The following DDX10 variants were observed in gnomAD, a reference collection of about 807,000 sequenced individuals.
DDX10 encodes DEAD-box helicase 10.
A neutral mutation model predicts 104.3 loss-of-function variants in DDX10; 74 were observed. That is an observed-to-expected ratio of 0.71 (90% CI 0.59 to 0.86). The LOEUF (loss-of-function observed/expected upper bound fraction) is 0.86. DDX10 is among the 40% of genes least tolerant of loss of function. DDX10 has a pLI of 0.00. For synonymous variants in DDX10, 351 were observed against 353.4 expected (o/e 0.99, Z 0.08); for missense variants, 952 against 1,040.0 (o/e 0.92, Z 1.16).
At chr11:108,671,922 G>A (rs963365397) in intron 1 of DDX10, among the ~76,000 whole-genome samples, 3 of 151,958 alleles carry the variant, frequency 2.0e-5, no homozygotes, top group African/African-American at 4.8e-5. Context: ...TTAGCTGGGC[G>A]TGGTGGTGGG....
chr11:108,804,038 T>C (rs1482585647), intron 13 of DDX10, among the ~76,000 whole-genome samples: 1 of 152,208 alleles, frequency 6.6e-6, no homozygotes, highest in East Asian at 1.9e-4. Context: ...TTGCTTGTTT[T>C]GTTATCATAG....
chr11:108,795,970 T>A (rs965217408), intron 13 of DDX10, among the ~76,000 whole-genome samples: 2 of 152,222 alleles, frequency 1.3e-5, no homozygotes, highest in African/African-American at 4.8e-5. Flanking sequence ...GGTTTTTAAA[T>A]AACAAATTGA....
chr11:108,910,462 T>C (rs1863654261), intron 16 of DDX10, among the ~76,000 whole-genome samples: 1 of 152,224 alleles, frequency 6.6e-6, no homozygotes, highest in South Asian at 2.1e-4. Context: ...ATCTTATTTG[T>C]GTTTCTTGCC....
chr11:108,785,821 G>C (rs1409828714), intron 13 of DDX10, among the ~76,000 whole-genome samples: 1 of 151,936 alleles, frequency 6.6e-6, no homozygotes, highest in Non-Finnish European at 1.5e-5. Context: ...GTTTTTTGTT[G>C]TTGTTAATTG....
intron 15 of DDX10, among the ~76,000 whole-genome samples, chr11:108,849,294 T>C (rs977324816): frequency 3.3e-5 from 5 of 152,156 alleles, no homozygotes; most frequent in Non-Finnish European, 5.9e-5. Context: ...TTCTTCCTTA[T>C]GTGATAGCTG....
At chr11:108,900,763 G>T (rs904555088) in intron 16 of DDX10, among the ~76,000 whole-genome samples, 5 of 152,112 alleles carry the variant, frequency 3.3e-5, no homozygotes, top group Non-Finnish European at 7.4e-5. Context: ...TACCTGGTTG[G>T]GAGACTCTGT....
chr11:108,790,020 G>T (rs140770943), intron 13 of DDX10, among the ~76,000 whole-genome samples: 1 of 152,272 alleles, frequency 6.6e-6, no homozygotes, highest in Non-Finnish European at 1.5e-5. Context: ...TATTGTGCAA[G>T]TAGCTAGGAT....
chr11:108,827,412 G>C (rs946399639), intron 13 of DDX10, among the ~76,000 whole-genome samples: 4 of 152,196 alleles, frequency 2.6e-5, no homozygotes, highest in African/African-American at 9.6e-5. Flanking sequence ...AGAAATTACA[G>C]TAACAGAGTT....
chr11:108,710,165 T>C (rs1017761105), intron 10 of DDX10, among the ~76,000 whole-genome samples: 4 of 152,168 alleles, frequency 2.6e-5, no homozygotes, highest in African/African-American at 9.7e-5. Flanking sequence ...GGACTGGAAG[T>C]TGCTCTGGGT....
intron 5 of DDX10, among the ~76,000 whole-genome samples, chr11:108,678,870 ATTTTTTTTTTT>A (rs769948315): frequency 4.3e-5 from 4 of 92,710 alleles, no homozygotes; most frequent in Admixed American, 2.9e-4. Context: ...GTTTCCCCTA[ATTTTTTTTTTT>A]TTTTTTTTTT....
intron 9 of DDX10, among the ~76,000 whole-genome samples, chr11:108,697,078 T>G (rs1385460871): frequency 6.6e-6 from 1 of 152,130 alleles, no homozygotes; most frequent in Non-Finnish European, 1.5e-5. Context: ...AGAATACTAA[T>G]CTGAAAAAAA....
chr11:108,790,980 T>A (rs567802401), intron 13 of DDX10, among the ~76,000 whole-genome samples: 1 of 152,232 alleles, frequency 6.6e-6, no homozygotes, highest in Non-Finnish European at 1.5e-5. Context: ...AGAAAAATAT[T>A]TCCCATCTCA....
intron 16 of DDX10, among the ~76,000 whole-genome samples, chr11:108,917,587 G>A (rs1010307084): frequency 2.0e-5 from 3 of 152,048 alleles, no homozygotes; most frequent in Non-Finnish European, 2.9e-5. Flanking sequence ...TGATAATTGA[G>A]TTGAGTTACA....
chr11:108,685,461 C>G (rs1233290974), intron 6 of DDX10, among the ~76,000 whole-genome samples: 1 of 151,896 alleles, frequency 6.6e-6, no homozygotes, highest in African/African-American at 2.4e-5. Context: ...AACCCGGTAC[C>G]TCAGATGGAA....
chr11:108,746,410 T>C (rs903731178), intron 13 of DDX10, among the ~76,000 whole-genome samples: 6 of 152,164 alleles, frequency 3.9e-5, no homozygotes, highest in Non-Finnish European at 5.9e-5. Context: ...TATTCCATTG[T>C]ATGGATATAT....
rs182560028 is a variant in DDX10 at position 108,700,022 on chromosome 11, A to G, written c.1223+6422A>G. Among the ~76,000 whole-genome samples, 347 of 152,320 alleles carry G rather than the reference A, an allele frequency of 2.3e-3. 1 individual carries two copies. The highest frequency in any genetic ancestry group is 6.8e-3 in the Middle Eastern group (2 of 294). ...TCAAATCCATAAATTGTGAACAACCATGGTGCATCCTATTAAAAGCCTCTC... is the reference window on the plus strand; with the variant it reads ...TCAAATCCATAAATTGTGAACAACCGTGGTGCATCCTATTAAAAGCCTCTC... On this transcript the variant is annotated intron_variant, in intron 9 of 17. Transcript: ENST00000322536.
chr11:108,766,433 T>C (rs1484613774), intron 13 of DDX10, among the ~76,000 whole-genome samples: 1 of 152,200 alleles, frequency 6.6e-6, no homozygotes, highest in Non-Finnish European at 1.5e-5. Flanking sequence ...TGCCCTGGTG[T>C]CTTTGGAGAC....
chr11:108,881,534 T>C (rs372537421), intron 16 of DDX10, among the ~76,000 whole-genome samples: 1 of 152,204 alleles, frequency 6.6e-6, no homozygotes, highest in South Asian at 2.1e-4. Flanking sequence ...TTTATGATGG[T>C]GTGAAAGTGA....
At chr11:108,783,315 A>T (rs982449063) in intron 13 of DDX10, among the ~76,000 whole-genome samples, 1 of 152,176 alleles carries the variant, frequency 6.6e-6, no homozygotes, top group Non-Finnish European at 1.5e-5. Flanking sequence ...AGTTTTAGCA[A>T]TGAGGGAATA....
Sources: gnomAD v4.1 joint callset for allele counts (sites outside exome capture counted in the v4.1 genomes callset) on GRCh38, gnomAD v4.1.1 for gene constraint, MANE v1.5 for transcripts, NCBI Gene and HGNC (gene_info 2026-07-23, HGNC 2026-07-21) for gene names.